Variants in SH3KBP1 observed in about 807,000 individuals in gnomAD.
SH3KBP1 encodes the protein SH3 domain containing kinase binding protein 1.
A neutral mutation model predicts 50.1 loss-of-function variants in SH3KBP1; 8 were observed. The ratio of observed to expected loss-of-function variants is 0.16; its 90% confidence interval spans 0.09 to 0.29. The LOEUF is 0.29. SH3KBP1 is among the 10% of genes least tolerant of loss of function. The pLI is 1.00. For synonymous variants in SH3KBP1, 227 were observed against 218.6 expected (o/e 1.04, Z -0.34); for missense variants, 377 against 535.2 (o/e 0.70, Z 2.92).
intron 9 of SH3KBP1, among the ~76,000 whole-genome samples, chrX:19,598,996 C>T (rs984179374): frequency 5.4e-5 from 6 of 111,858 alleles, no homozygotes; most frequent in Non-Finnish European, 9.4e-5. Flanking sequence ...TTGTAAAAAA[C>T]GCAATATCTG....
At chrX:19,869,933 A>G (rs2068995490) in intron 1 of SH3KBP1, among the ~76,000 whole-genome samples, 1 of 112,050 alleles carries the variant, frequency 8.9e-6, no homozygotes. Context: ...TCACACATAC[A>G]CCAGAGACAT....
chrX:19,629,590 T>C (rs1369669707), intron 8 of SH3KBP1, among the ~76,000 whole-genome samples: 1 of 110,646 alleles, frequency 9.0e-6, no homozygotes, highest in African/African-American at 3.3e-5. Flanking sequence ...ACAGAACAAC[T>C]CAAGCCTGTG....
At position 19,788,907 on chromosome X, in the gene SH3KBP1, C is replaced by T. The variant is rs1033280589; in HGVS notation, c.163-42466G>A. On this transcript the variant is annotated intron_variant, in intron 2 of 17. Coordinates refer to ENST00000397821, the MANE Select transcript of SH3KBP1 (RefSeq NM_031892.3). The stretch of plus-strand genomic sequence containing the variant: ...TTGGGAGGCCTAGGCGGGCGGATCA[C>T]GAGGTCAGGAGTTTGAGGCCATCCT... Among the ~76,000 whole-genome samples the T allele has an allele frequency of 2.7e-5, 3 of 112,102 alleles. No homozygotes were observed. In the Admixed American group the frequency reaches 2.8e-4, roughly 11 times the overall value.
chrX:19,837,288 C>T (rs1007097589), intron 1 of SH3KBP1, among the ~76,000 whole-genome samples: 4 of 111,333 alleles, frequency 3.6e-5, no homozygotes, highest in African/African-American at 1.3e-4. Context: ...CTATGAAAAT[C>T]TCTCATACTT....
chrX:19,548,211 C>T (rs1176985819), intron 14 of SH3KBP1, among the ~76,000 whole-genome samples: 2 of 112,118 alleles, frequency 1.8e-5, no homozygotes, highest in East Asian at 2.8e-4. Flanking sequence ...CAAATACATA[C>T]GAACTCTCAG....
At position 19,566,122 on chromosome X, in the gene SH3KBP1, C is replaced by T. The variant is rs759666862; in HGVS notation, c.1384+2981G>A. Among the ~76,000 whole-genome samples, 187 of 109,624 alleles carry T rather than the reference C, an allele frequency of 1.7e-3. 1 individual carries two copies. The highest frequency in any genetic ancestry group is 5.9e-3 in the African/African-American group (177 of 30,087). ...CACTGTTGCACTCCAGCCTGGGTGACAGAGCAAGACTATCTCAAAACAAAA... is the reference window on the plus strand; with the variant it reads ...CACTGTTGCACTCCAGCCTGGGTGATAGAGCAAGACTATCTCAAAACAAAA... On this transcript the variant is annotated intron_variant, in intron 13 of 17. Coordinates refer to ENST00000397821, the MANE Select transcript of SH3KBP1 (RefSeq NM_031892.3).
At chrX:19,715,417 T>C (rs1461948528) in intron 3 of SH3KBP1, among the ~76,000 whole-genome samples, 2 of 111,910 alleles carry the variant, frequency 1.8e-5, no homozygotes, top group Non-Finnish European at 3.8e-5. Flanking sequence ...GGGTGTTCAC[T>C]GTACTATTGT....
intron 8 of SH3KBP1, among the ~76,000 whole-genome samples, chrX:19,627,870 G>A (rs1166310875): frequency 8.9e-6 from 1 of 112,161 alleles, no homozygotes; most frequent in Non-Finnish European, 1.9e-5. Context: ...GAACCTCTAC[G>A]GCGAACACAG....
chrX:19,640,892 C>G (rs2061841040), intron 7 of SH3KBP1, among the ~76,000 whole-genome samples: 1 of 111,414 alleles, frequency 9.0e-6, no homozygotes, highest in African/African-American at 3.3e-5. Flanking sequence ...CACAACCAAT[C>G]AGACTGACTG....
At chrX:19,807,677 A>C (rs2147266365) in intron 2 of SH3KBP1, among the ~76,000 whole-genome samples, 1 of 112,376 alleles carries the variant, frequency 8.9e-6, no homozygotes, top group South Asian at 3.7e-4. Context: ...CTAAAAGCTC[A>C]GACCTTGTTA....
At chrX:19,857,408 G>A (rs1261782962) in intron 1 of SH3KBP1, among the ~76,000 whole-genome samples, 1 of 110,854 alleles carries the variant, frequency 9.0e-6, no homozygotes, top group South Asian at 3.8e-4. Flanking sequence ...CAGGGGAATA[G>A]AAGCAAGGAG....
At chrX:19,802,922 T>C (rs2066933991) in intron 2 of SH3KBP1, among the ~76,000 whole-genome samples, 1 of 111,208 alleles carries the variant, frequency 9.0e-6, no homozygotes, top group Non-Finnish European at 1.9e-5. Flanking sequence ...AGGGCACCAA[T>C]CTCTCCCACA....
At chrX:19,864,264 C>T (rs1026317702) in intron 1 of SH3KBP1, among the ~76,000 whole-genome samples, 4 of 111,643 alleles carry the variant, frequency 3.6e-5, no homozygotes, top group African/African-American at 1.3e-4. Flanking sequence ...TGGCCCTACC[C>T]GACATGGAGA....
intron 2 of SH3KBP1, among the ~76,000 whole-genome samples, chrX:19,807,419 T>TG (rs923714821): frequency 9.9e-5 from 11 of 111,300 alleles, no homozygotes; most frequent in African/African-American, 3.6e-4. Context: ...TTCACGCCTC[T>TG]GGGCAATTAT....
chrX:19,631,815 A>G, intron 8 of SH3KBP1, 49 bp downstream of exon 8: 2 of 838,024 alleles, frequency 2.4e-6, no homozygotes, highest in Non-Finnish European at 3.5e-6. Flanking sequence ...TCCAGTCAAC[A>G]CCCCAAAGCA....
At chrX:19,712,030 A>G (rs1313206859) in intron 3 of SH3KBP1, among the ~76,000 whole-genome samples, 3 of 112,004 alleles carry the variant, frequency 2.7e-5, no homozygotes, top group Admixed American at 1.9e-4. Context: ...AAAAGAAAAG[A>G]AACACCTTGT....
chrX:19,572,227 TAGTACATATATATGTTATATAG>T (rs1373875502), intron 12 of SH3KBP1, among the ~76,000 whole-genome samples: 8 of 107,312 alleles, frequency 7.5e-5, no homozygotes, highest in African/African-American at 2.7e-4. Flanking sequence ...ATGTTATATA[TAGTACATATATATGTTATATAG>T]AGTACATATA....
At chrX:19,581,058 C>T (rs1204781164) in intron 12 of SH3KBP1, among the ~76,000 whole-genome samples, 1 of 111,219 alleles carries the variant, frequency 9.0e-6, no homozygotes, top group Non-Finnish European at 1.9e-5. Context: ...CTCAAGTGAT[C>T]CTCCCACCTC....
At chrX:19,793,313 A>AAAAAAATATAT (rs1418807395) in intron 2 of SH3KBP1, among the ~76,000 whole-genome samples, 20 of 96,983 alleles carry the variant, frequency 2.1e-4, no homozygotes, top group African/African-American at 7.8e-4. Flanking sequence ...AGGAAAAAAA[A>AAAAAAATATAT]ATATATATAT....
Sources: gnomAD v4.1 joint callset for allele counts (sites outside exome capture counted in the v4.1 genomes callset) on GRCh38, gnomAD v4.1.1 for gene constraint, MANE v1.5 for transcripts, NCBI Gene and HGNC (gene_info 2026-07-23, HGNC 2026-07-21) for gene names.